The following NECTIN3 variants were observed in gnomAD, a reference collection of about 807,000 sequenced individuals.
The protein encoded by NECTIN3 is nectin-3.
Under a neutral mutation model 49.4 loss-of-function variants are expected in NECTIN3, and 8 were observed. That is an observed-to-expected ratio of 0.16 (90% confidence interval 0.10 to 0.29). NECTIN3 has a LOEUF of 0.29. Ranked by LOEUF, NECTIN3 falls within the 10% of genes least tolerant of loss-of-function variation. The pLI, the probability that NECTIN3 is intolerant of heterozygous loss-of-function variation, is 1.00. For synonymous variants in NECTIN3, 277 were observed against 241.1 expected, an observed-to-expected ratio of 1.15 and a Z score of -1.38; for missense variants, 581 against 654.6, an observed-to-expected ratio of 0.89 and a Z score of 1.23.
chr3:111,152,235 C>A (rs571772214), intron 7 of NECTIN3, among the ~76,000 whole-genome samples: 1 of 151,920 alleles, frequency 6.6e-6, no homozygotes, highest in Non-Finnish European at 1.5e-5. Context: ...CAAGTATAAT[C>A]TGCAGGGTAA....
upstream of NECTIN3, among the ~76,000 whole-genome samples, chr3:111,190,087 G>T (rs905260534): frequency 6.6e-6 from 1 of 152,180 alleles, no homozygotes; most frequent in African/African-American, 2.4e-5. Flanking sequence ...ACTTACAACA[G>T]AAATTAACAG....
At chr3:111,165,990 A>G (rs988354694) in intron 7 of NECTIN3, among the ~76,000 whole-genome samples, 1 of 152,168 alleles carries the variant, frequency 6.6e-6, no homozygotes, top group Non-Finnish European at 1.5e-5. Context: ...ATCAGTCAGG[A>G]TAGGCTTGGT....
At chr3:111,076,028 A>G (rs1030164611) in intron 1 of NECTIN3, among the ~76,000 whole-genome samples, 3 of 152,134 alleles carry the variant, frequency 2.0e-5, no homozygotes, top group Non-Finnish European at 4.4e-5. Context: ...AAGCAGAAAG[A>G]TCAAATCTTC....
At position 111,134,277 on chromosome 3, in the gene NECTIN3, A is replaced by G. The variant is rs2034500583; in HGVS notation, c.*62A>G. On this transcript the variant is annotated 3_prime_UTR_variant, in exon 6 of 6. Coordinates refer to ENST00000485303, the MANE Select transcript of NECTIN3 (RefSeq NM_015480.3). ...ATTCACACTAGTTGATCATTTTCAG[A>G]TTGTTCATACTTTTTCTTGAGGAAG... 6.7e-7 allele frequency: 1 copy of G among 1,500,510 alleles called. No individual in the cohort carries two copies. 92.9% of individuals were successfully genotyped at this position (1,500,510 alleles called of 1,614,324 possible). A position where few individuals can be genotyped will look rare whatever the true frequency, so the allele number is the denominator to read the frequency against.
At chr3:111,138,883 C>T (rs2034669164), downstream of NECTIN3, among the ~76,000 whole-genome samples, 1 of 151,404 alleles carries the variant, frequency 6.6e-6, no homozygotes, top group Non-Finnish European at 1.5e-5. Flanking sequence ...GAGAAATATC[C>T]CAGGGAAAAC....
chr3:111,106,241 C>T (rs1399848865), intron 1 of NECTIN3, among the ~76,000 whole-genome samples: 1 of 152,138 alleles, frequency 6.6e-6, no homozygotes, highest in Non-Finnish European at 1.5e-5. Context: ...TGGCTCAGCA[C>T]CTAGAGCAGT....
rs541459080 is a variant in NECTIN3 at position 111,122,223 on chromosome 3, A to G, written c.902A>G (p.Lys301Arg). 4 of 1,609,160 alleles carry G rather than the reference A, an allele frequency of 2.5e-6. No individual in the cohort carries two copies. In the South Asian group the frequency reaches 4.4e-5, roughly 18 times the overall value. Residue 301 changes from lysine to arginine, a missense_variant, in exon 4 of 6, where the codon AAA becomes AGA. By Grantham distance (26) the Lys-to-Arg change is conservative (BLOSUM62 2). Around this residue, in one of 3 missense-constraint regions of NECTIN3, gnomAD observed 234 missense variants for 340.6 expected, o/e 0.69. Coordinates refer to ENST00000485303, the MANE Select transcript of NECTIN3 (RefSeq NM_015480.3). ...GCTGATGCAAATCCACCACCCTTCA[A>G]ATCTGTGTGGAGCAGGTAATGTTAT... is the stretch of plus-strand genomic sequence containing the variant. Reference protein sequence around the residue: ...CNADANPPPFKSVWSRLDGQW... With the variant: ...CNADANPPPFRSVWSRLDGQW...
downstream of NECTIN3, among the ~76,000 whole-genome samples, chr3:111,139,580 A>G (rs998130060): frequency 3.3e-5 from 5 of 151,806 alleles, no homozygotes; most frequent in Admixed American, 3.3e-4. Flanking sequence ...TGTGTGTGAT[A>G]TTAGCTGCCA....
chr3:111,132,242 AG>A (rs1456208247), intron 5 of NECTIN3, among the ~76,000 whole-genome samples: 34 of 151,196 alleles, frequency 2.2e-4, no homozygotes, highest in Admixed American at 2.0e-3. Flanking sequence ...AGTACTTGAC[AG>A]GGTTACCTGT....
chr3:111,107,765 G>C (rs1319338425), intron 1 of NECTIN3, among the ~76,000 whole-genome samples: 2 of 152,072 alleles, frequency 1.3e-5, no homozygotes, highest in Admixed American at 1.3e-4. Context: ...TTTGGAGTTT[G>C]GTTTAAGAAC....
Position 111,132,970 on chromosome 3 carries a change from T to C in NECTIN3, c.1070-665T>C, listed in dbSNP as rs535495371. ...TTTAAACATATGCTTTTTTATTTTT[T>C]TAAATTACTAAATAATAGTGTTTAC... On this transcript the variant is annotated intron_variant, in intron 5 of 5. Transcript: ENST00000485303. 1.6e-4 allele frequency among the ~76,000 whole-genome samples: 24 copies of C among 151,974 alleles called. No homozygotes were observed. The South Asian group carries it at 3.9e-3, about 25-fold the overall frequency.
intron 7 of NECTIN3, among the ~76,000 whole-genome samples, chr3:111,163,405 G>A (rs747674315): frequency 6.6e-6 from 1 of 152,154 alleles, no homozygotes; most frequent in Non-Finnish European, 1.5e-5. Context: ...AGTTCTTAAT[G>A]GGGGAGTGGC....
In NECTIN3 at chr3:111,134,425, C is replaced by G. The variant is rs1272703646; in HGVS notation, c.*210C>G. On this transcript the variant is annotated 3_prime_UTR_variant, in exon 6 of 6. Coordinates refer to ENST00000485303, the MANE Select transcript of NECTIN3 (RefSeq NM_015480.3). ...ACAATTTTTTTTCAATGCTGTACTACTGTCTCAAGATTTAAATTTTAATGC... is the reference window on the plus strand; with the variant it reads ...ACAATTTTTTTTCAATGCTGTACTAGTGTCTCAAGATTTAAATTTTAATGC... 1 of 1,252,342 alleles carries G rather than the reference C, an allele frequency of 8.0e-7. No homozygotes were observed. Among genetic ancestry groups the G allele is most frequent in the Admixed American group, 3.9e-5 (1 of 25,530 alleles). 77.6% of individuals were successfully genotyped at this position (1,252,342 alleles called of 1,614,324 possible). A position where few individuals can be genotyped will look rare whatever the true frequency, so the allele number is the denominator to read the frequency against.
chr3:111,090,858 C>G (rs1239542531), intron 1 of NECTIN3, among the ~76,000 whole-genome samples: 1 of 142,632 alleles, frequency 7.0e-6, no homozygotes, highest in Non-Finnish European at 1.5e-5. Flanking sequence ...GTCATTAAAA[C>G]CACAATCACT....
intron 1 of NECTIN3, 198 bp downstream of exon 1, chr3:111,072,375 G>C: frequency 8.1e-6 from 12 of 1,487,208 alleles, no homozygotes; most frequent in Non-Finnish European, 1.1e-5. Flanking sequence ...ATGCTGAGCC[G>C]GCGGCCCGCT....
chr3:111,136,299 T>C lies in NECTIN3; in HGVS notation c.*2084T>C, dbSNP rs1001692640. ...TTTTAAGAAATATATTTCAAAAATA[T>C]AAATACTGATTATGAACTTCCTTTT... On this transcript the variant is annotated 3_prime_UTR_variant, in exon 6 of 6. Coordinates refer to ENST00000485303, the MANE Select transcript of NECTIN3 (RefSeq NM_015480.3). 1 of 976,276 alleles carries C rather than the reference T, an allele frequency of 1.0e-6. No homozygotes were observed. The highest frequency in any genetic ancestry group is 1.2e-6 in the Non-Finnish European group (1 of 821,738). 60.5% of individuals were successfully genotyped at this position (976,276 alleles called of 1,614,324 possible).
At chr3:111,153,986 T>G (rs536651321) in intron 7 of NECTIN3, among the ~76,000 whole-genome samples, 216 of 152,312 alleles carry the variant, frequency 1.4e-3, no homozygotes, top group Non-Finnish European at 2.2e-3. Context: ...TAAGAAGAGC[T>G]TTATTAAAGT....
chr3:111,190,010 G>A (rs1357803469), upstream of NECTIN3, among the ~76,000 whole-genome samples: 1 of 152,228 alleles, frequency 6.6e-6, no homozygotes, highest in Non-Finnish European at 1.5e-5. Flanking sequence ...CCACACAGCA[G>A]GAGGCAGGGA....
chr3:111,131,449 C>T (rs1246362037), intron 5 of NECTIN3, among the ~76,000 whole-genome samples: 3 of 151,908 alleles, frequency 2.0e-5, no homozygotes, highest in Non-Finnish European at 2.9e-5. Context: ...ATTTTGCACG[C>T]ATTGTCATAT....
Sources: gnomAD v4.1 joint callset for allele counts (sites outside exome capture counted in the v4.1 genomes callset) on GRCh38, gnomAD v4.1.1 for gene constraint, gnomAD v4.1.1 regional missense constraint, MANE v1.5 for transcripts, NCBI Gene and HGNC (gene_info 2026-07-23, HGNC 2026-07-21) for gene names.